Variants in SH3GL2 observed in about 807,000 individuals in gnomAD.
The protein encoded by SH3GL2 is endophilin-A1.
In SH3GL2, 24 loss-of-function variants were observed where a neutral mutation model predicts 46.0. The observed-to-expected ratio is 0.52, with a 90% CI of 0.38 to 0.73. The LOEUF (loss-of-function observed/expected upper bound fraction) is 0.73, where lower values mean the gene tolerates loss of function less well. SH3GL2 is among the 30% of genes least tolerant of loss of function. The pLI, the probability that SH3GL2 is intolerant of heterozygous loss-of-function variation, is 0.00. For missense variants in SH3GL2, 413 were observed against 424.2 expected (o/e 0.97, Z 0.23); for synonymous variants, 196 against 147.1 (o/e 1.33, Z -2.40).
At chr9:17,745,373 T>G (rs1447390709) in intron 1 of SH3GL2, among the ~76,000 whole-genome samples, 1 of 152,174 alleles carries the variant, frequency 6.6e-6, no homozygotes, top group Non-Finnish European at 1.5e-5. Flanking sequence ...TGGTGAGAGA[T>G]AGGAACTAGG....
intron 1 of SH3GL2, among the ~76,000 whole-genome samples, chr9:17,658,363 C>T (rs775378387): frequency 4.6e-5 from 7 of 152,152 alleles, no homozygotes; most frequent in Non-Finnish European, 8.8e-5. Flanking sequence ...CGTTTGATTT[C>T]TTCCAGGGAC....
At chr9:17,767,392 T>C (rs1328983180) in intron 3 of SH3GL2, among the ~76,000 whole-genome samples, 1 of 152,254 alleles carries the variant, frequency 6.6e-6, no homozygotes, top group Non-Finnish European at 1.5e-5. Context: ...AGTGTACTTC[T>C]TTTCCCACAG....
chr9:17,697,209 A>G (rs1438109070), intron 1 of SH3GL2, among the ~76,000 whole-genome samples: 2 of 150,656 alleles, frequency 1.3e-5, no homozygotes, highest in South Asian at 2.1e-4. Flanking sequence ...CAACTTGAGC[A>G]TGAGCTCAAA....
At chr9:17,706,748 C>A (rs1309619325) in intron 1 of SH3GL2, among the ~76,000 whole-genome samples, 1 of 151,978 alleles carries the variant, frequency 6.6e-6, no homozygotes, top group Non-Finnish European at 1.5e-5. Flanking sequence ...AGTTTTGGAT[C>A]TTCCTTGCAG....
chr9:17,623,988 T>A (rs1819218248), intron 1 of SH3GL2, among the ~76,000 whole-genome samples: 1 of 152,250 alleles, frequency 6.6e-6, no homozygotes, highest in South Asian at 2.1e-4. Context: ...ATACAGGTTC[T>A]AGTCTGGGGT....
chr9:17,704,679 G>C (rs1239317053), intron 1 of SH3GL2, among the ~76,000 whole-genome samples: 1 of 151,994 alleles, frequency 6.6e-6, no homozygotes, highest in Non-Finnish European at 1.5e-5. Context: ...AGAAGCAATG[G>C]GGGAAAGTAC....
intron 1 of SH3GL2, among the ~76,000 whole-genome samples, chr9:17,657,552 T>G (rs914912264): frequency 6.6e-6 from 1 of 152,192 alleles, no homozygotes; most frequent in Non-Finnish European, 1.5e-5. Flanking sequence ...CTCTGTGAAT[T>G]AAGGAAAGTA....
chr9:17,623,399 A>G (rs1015474049), intron 1 of SH3GL2, among the ~76,000 whole-genome samples: 1 of 152,094 alleles, frequency 6.6e-6, no homozygotes, highest in Non-Finnish European at 1.5e-5. Context: ...ATTAGATTCT[A>G]TATAGGGTAG....
intron 3 of SH3GL2, among the ~76,000 whole-genome samples, chr9:17,773,769 T>C (rs945979187): frequency 2.0e-5 from 3 of 152,122 alleles, no homozygotes; most frequent in African/African-American, 7.2e-5. Context: ...AAGATTCTTT[T>C]TGCTATTTGG....
intron 3 of SH3GL2, among the ~76,000 whole-genome samples, chr9:17,775,103 A>G (rs910539386): frequency 2.0e-5 from 3 of 152,056 alleles, no homozygotes; most frequent in African/African-American, 4.8e-5. Context: ...AATCTTATTT[A>G]CTTGTGTAGA....
chr9:17,628,411 G>GGT (rs3084633), intron 1 of SH3GL2, among the ~76,000 whole-genome samples: 15,398 of 143,586 alleles, frequency 0.11, 904 homozygotes, highest in Non-Finnish European at 0.14. Flanking sequence ...CTATATCTTG[G>GGT]GTGTGTGTGT....
At chr9:17,593,280 T>A (rs1818517617) in intron 1 of SH3GL2, among the ~76,000 whole-genome samples, 1 of 151,790 alleles carries the variant, frequency 6.6e-6, no homozygotes. Flanking sequence ...AGCACAGGAC[T>A]GTGCTTGTGA....
intron 2 of SH3GL2, among the ~76,000 whole-genome samples, chr9:17,759,572 A>T (rs889290293): frequency 7.9e-5 from 12 of 152,144 alleles, no homozygotes; most frequent in Non-Finnish European, 1.8e-4. Context: ...GTTTTCTCAT[A>T]TACATTACAG....
At chr9:17,616,271 A>G (rs1411623937) in intron 1 of SH3GL2, among the ~76,000 whole-genome samples, 1 of 152,242 alleles carries the variant, frequency 6.6e-6, no homozygotes, top group African/African-American at 2.4e-5. Context: ...AAGAAGCATG[A>G]TGACTTTTGT....
chr9:17,681,836 A>G (rs897592163), intron 1 of SH3GL2, among the ~76,000 whole-genome samples: 13 of 152,192 alleles, frequency 8.5e-5, no homozygotes, highest in African/African-American at 3.1e-4. Flanking sequence ...AGAATTTACA[A>G]GAAATTTAAA....
At chr9:17,651,560 A>G (rs529247785) in intron 1 of SH3GL2, among the ~76,000 whole-genome samples, 1 of 152,244 alleles carries the variant, frequency 6.6e-6, no homozygotes, top group South Asian at 2.1e-4. Flanking sequence ...GCTTTGCAGA[A>G]TTGTGTAGTT....
chr9:17,784,222 AG>A (rs1337560197), intron 3 of SH3GL2, among the ~76,000 whole-genome samples: 4 of 152,162 alleles, frequency 2.6e-5, no homozygotes, highest in African/African-American at 9.7e-5. Context: ...TCTTAGTAAA[AG>A]AATAAAGCTC....
intron 1 of SH3GL2, among the ~76,000 whole-genome samples, chr9:17,703,420 G>A (rs1374767802): frequency 6.6e-6 from 1 of 151,776 alleles, no homozygotes. Context: ...AAAAGTTGAG[G>A]AGGAGGGACT....
At position 17,708,666 on chromosome 9, in the gene SH3GL2, C is replaced by T. The variant is rs183438509; in HGVS notation, c.46-38400C>T. 7.9e-5 allele frequency among the ~76,000 whole-genome samples: 12 copies of T among 152,074 alleles called. No individual in the cohort carries two copies. In the East Asian group the frequency reaches 2.3e-3, roughly 30 times the overall value. On this transcript the variant is annotated intron_variant, in intron 1 of 8. Transcript: ENST00000380607. ...GACCACTTCATTTACCCTCATGTGGCTAAGATAATGCCTCTTGTTGTGCTT... is the reference window on the plus strand; with the variant it reads ...GACCACTTCATTTACCCTCATGTGGTTAAGATAATGCCTCTTGTTGTGCTT...
Sources: gnomAD v4.1 joint callset for allele counts (sites outside exome capture counted in the v4.1 genomes callset) on GRCh38, gnomAD v4.1.1 for gene constraint, MANE v1.5 for transcripts, NCBI Gene and HGNC (gene_info 2026-07-23, HGNC 2026-07-21) for gene names.